Variants in MLIP observed in about 807,000 individuals in gnomAD.
MLIP encodes muscular LMNA interacting protein.
A neutral mutation model predicts 84.8 loss-of-function variants in MLIP; 79 were observed. The ratio of observed to expected loss-of-function variants is 0.93; its 90% CI spans 0.78 to 1.12. The LOEUF is 1.12. MLIP is among the 50% of genes most tolerant of loss of function. The pLI is 0.00. For synonymous variants in MLIP, 504 were observed against 463.0 expected (o/e 1.09, Z -1.14); for missense variants, 1,257 against 1,160.6 (o/e 1.08, Z -1.21).
intron 11 of MLIP, among the ~76,000 whole-genome samples, chr6:54,210,683 G>A (rs1280895627): frequency 1.5e-5 from 2 of 136,688 alleles, no homozygotes; most frequent in Non-Finnish European, 3.1e-5. Context: ...CTCTAGCCCT[G>A]ACTATGATGC....
chr6:54,091,888 G>C (rs1767897690), intron 1 of MLIP, among the ~76,000 whole-genome samples: 1 of 152,026 alleles, frequency 6.6e-6, no homozygotes, highest in Non-Finnish European at 1.5e-5. Flanking sequence ...TATGATTTCT[G>C]CTATTAATTC....
intron 10 of MLIP, among the ~76,000 whole-genome samples, chr6:54,190,865 G>C (rs759010668): frequency 6.7e-6 from 1 of 148,764 alleles, no homozygotes; most frequent in Non-Finnish European, 1.5e-5. Context: ...GTGCGATCTC[G>C]GCTCACTGCA....
intron 1 of MLIP, among the ~76,000 whole-genome samples, chr6:54,035,116 A>G (rs1419570901): frequency 6.6e-6 from 1 of 152,190 alleles, no homozygotes; most frequent in Non-Finnish European, 1.5e-5. Flanking sequence ...GGTAGATTAT[A>G]CCATCTCAGT....
chr6:54,193,654 C>T lies in MLIP; in HGVS notation c.2589+3740C>T, dbSNP rs569851862. The stretch of plus-strand genomic sequence containing the variant: ...GTACCTCCTGTGTCTGACTCTGCCT[C>T]GTGTTTTTGCACTGCCTGGAAAATG... On this transcript the variant is annotated intron_variant, in intron 10 of 13. Coordinates refer to ENST00000502396, the MANE Select transcript of MLIP (RefSeq NM_001281747.2). 4.6e-5 allele frequency among the ~76,000 whole-genome samples: 7 copies of T among 152,186 alleles called. No individual in the cohort carries two copies. The East Asian group carries it at 9.7e-4, about 21-fold the overall frequency.
Position 54,160,524 on chromosome 6 carries a change from T to C in MLIP, c.2364T>C (p.Phe788=). 1 of 1,612,594 alleles carries C rather than the reference T, an allele frequency of 6.2e-7. No homozygotes were observed. Among genetic ancestry groups the C allele is most frequent in the Non-Finnish European group, 8.5e-7 (1 of 1,179,202 alleles). The change falls in exon 7 of 14, where the codon TTT becomes TTC. Residue 788 remains phenylalanine (F), a synonymous_variant. Transcript: ENST00000502396. Reference sequence around the variant, plus strand: ...GGTTTCAATTCTTCCAGCTCTATTTTCCTGCACAGCTCAGGCAGCAAACTG... The same window carrying C: ...GGTTTCAATTCTTCCAGCTCTATTTCCCTGCACAGCTCAGGCAGCAAACTG... ...NTLEPPVELY[F]PAQLRQQTEE...
intron 7 of MLIP, 32 bp from the exon 8 acceptor site, chr6:54,160,708 C>G: frequency 6.6e-7 from 1 of 1,524,850 alleles, no homozygotes; most frequent in Non-Finnish European, 9.1e-7. Context: ...TTCCTTTTCT[C>G]TTCTTCTTTC....
chr6:54,227,921 C>T (rs1195287489), intron 11 of MLIP, among the ~76,000 whole-genome samples: 6 of 152,078 alleles, frequency 3.9e-5, no homozygotes, highest in African/African-American at 9.7e-5. Context: ...CAGTGGCTCA[C>T]GCCTGCAATC....
intron 12 of MLIP, among the ~76,000 whole-genome samples, chr6:54,241,772 G>T (rs553138464): frequency 5.9e-5 from 9 of 152,076 alleles, no homozygotes; most frequent in African/African-American, 2.2e-4. Context: ...CTAAGCAGCT[G>T]CTCTTGAGAT....
At chr6:54,173,445 T>A (rs2150605692) in intron 9 of MLIP, among the ~76,000 whole-genome samples, 1 of 152,004 alleles carries the variant, frequency 6.6e-6, no homozygotes, top group East Asian at 1.9e-4. Context: ...TGATAGTGAT[T>A]TGCTGTTTCC....
At chr6:54,055,576 G>A (rs928626428) in intron 1 of MLIP, among the ~76,000 whole-genome samples, 1 of 152,036 alleles carries the variant, frequency 6.6e-6, no homozygotes, top group Admixed American at 6.6e-5. Context: ...AATATTAGTT[G>A]CCTTATATTT....
intron 9 of MLIP, among the ~76,000 whole-genome samples, chr6:54,188,242 A>G (rs1204001159): frequency 6.6e-6 from 1 of 152,178 alleles, no homozygotes; most frequent in Non-Finnish European, 1.5e-5. Flanking sequence ...ACTACTGTAG[A>G]CTTTTAGCTA....
At chr6:54,084,944 C>G (rs778698912) in intron 1 of MLIP, among the ~76,000 whole-genome samples, 7 of 152,174 alleles carry the variant, frequency 4.6e-5, no homozygotes, top group Non-Finnish European at 1.0e-4. Context: ...AGGTGTTACT[C>G]TAGGAATGTG....
At chr6:54,132,821 A>G (rs1771494678) in intron 3 of MLIP, among the ~76,000 whole-genome samples, 1 of 152,186 alleles carries the variant, frequency 6.6e-6, no homozygotes, top group Non-Finnish European at 1.5e-5. Flanking sequence ...AATTCAGTGC[A>G]GGGGAAACCA....
intron 9 of MLIP, among the ~76,000 whole-genome samples, chr6:54,173,459 GT>G (rs1453819247): frequency 6.6e-6 from 1 of 151,728 alleles, no homozygotes; most frequent in Non-Finnish European, 1.5e-5. Flanking sequence ...TGTTTCCAGG[GT>G]TTTAAATCAT....
intron 1 of MLIP, among the ~76,000 whole-genome samples, chr6:54,106,108 G>C (rs1310785390): frequency 6.6e-6 from 1 of 152,150 alleles, no homozygotes; most frequent in East Asian, 1.9e-4. Flanking sequence ...ACCTGTAGAT[G>C]GGAAGGAGGC....
chr6:54,208,083 G>T (rs572840712), intron 11 of MLIP, among the ~76,000 whole-genome samples: 36 of 152,180 alleles, frequency 2.4e-4, no homozygotes, highest in African/African-American at 8.7e-4. Flanking sequence ...AGCTGAGATC[G>T]TGCCACTGCA....
chr6:54,078,700 T>TG (rs1179669217), intron 1 of MLIP, among the ~76,000 whole-genome samples: 1 of 149,164 alleles, frequency 6.7e-6, no homozygotes, highest in Non-Finnish European at 1.5e-5. Context: ...TCTTTTTTTT[T>TG]TTTTTTTGAG....
chr6:54,236,557 A>T (rs1187383620), intron 12 of MLIP, among the ~76,000 whole-genome samples: 6 of 151,168 alleles, frequency 4.0e-5, no homozygotes, highest in Non-Finnish European at 8.8e-5. Context: ...AGCCGAGATC[A>T]CTCCATTATA....
intron 9 of MLIP, among the ~76,000 whole-genome samples, chr6:54,170,845 C>T (rs1775697546): frequency 6.6e-6 from 1 of 151,482 alleles, no homozygotes; most frequent in Admixed American, 6.6e-5. Context: ...TTCCTCTTAT[C>T]TATCTTTGGA....
Sources: allele counts gnomAD v4.1 joint callset (sites outside exome capture counted in the v4.1 genomes callset), GRCh38; gene constraint gnomAD v4.1.1; transcripts MANE v1.5; gene names NCBI Gene and HGNC (gene_info 2026-07-23, HGNC 2026-07-21).